The following TBXAS1 variants were observed in gnomAD, a reference collection of about 807,000 sequenced individuals.
The protein encoded by TBXAS1 is thromboxane-A synthase.
A neutral mutation model predicts 60.7 loss-of-function variants in TBXAS1; 48 were observed. The ratio of observed to expected loss-of-function variants is 0.79; its 90% CI spans 0.63 to 1.01. TBXAS1 has a LOEUF of 1.01. Ranked by LOEUF, TBXAS1 falls within the 50% of genes least tolerant of loss-of-function variation. The probability of loss-of-function intolerance (pLI) is 0.00; values close to 1 mark genes in which losing one functional copy is unlikely to be tolerated. For missense variants in TBXAS1, 685 were observed against 686.3 expected (o/e 1.00, Z 0.02); for synonymous variants, 287 against 269.7 (o/e 1.06, Z -0.63).
chr7:139,820,094 C>T (rs1253785369), intron 4 of TBXAS1, among the ~76,000 whole-genome samples: 2 of 152,060 alleles, frequency 1.3e-5, no homozygotes. Context: ...CCTGCTCCCA[C>T]TCTCACTCCC....
At chr7:139,922,099 CTTTT>C (rs557582196) in intron 4 of TBXAS1, among the ~76,000 whole-genome samples, 2 of 139,898 alleles carry the variant, frequency 1.4e-5, no homozygotes, top group Non-Finnish European at 3.1e-5. Flanking sequence ...TTTTCTTTTT[CTTTT>C]TTTTTTTTTT....
At chr7:139,842,408 C>A (rs1283798896) in intron 1 of TBXAS1, among the ~76,000 whole-genome samples, 1 of 152,164 alleles carries the variant, frequency 6.6e-6, no homozygotes, top group Non-Finnish European at 1.5e-5. Flanking sequence ...CTTCCCCTAA[C>A]CCTAGTGCCA....
chr7:140,019,511 T>C (rs1815375123), intron 12 of TBXAS1, among the ~76,000 whole-genome samples: 1 of 152,194 alleles, frequency 6.6e-6, no homozygotes, highest in African/African-American at 2.4e-5. Flanking sequence ...CCTGCAGCTT[T>C]TTCAGATGCC....
chr7:139,872,667 A>G (rs556819585), intron 2 of TBXAS1, among the ~76,000 whole-genome samples: 38 of 152,182 alleles, frequency 2.5e-4, no homozygotes, highest in African/African-American at 8.0e-4. Flanking sequence ...AAAATAAAAT[A>G]AAATGAAATA....
At chr7:139,861,494 C>T (rs1017414982) in intron 1 of TBXAS1, among the ~76,000 whole-genome samples, 1 of 150,920 alleles carries the variant, frequency 6.6e-6, no homozygotes. Context: ...TGATCCTTGA[C>T]CTCCTTTGCC....
At chr7:140,008,593 G>T (rs1311727479) in intron 10 of TBXAS1, among the ~76,000 whole-genome samples, 1 of 151,832 alleles carries the variant, frequency 6.6e-6, no homozygotes, top group Non-Finnish European at 1.5e-5. Context: ...GATTACAGGT[G>T]CCCGCCACTA....
At chr7:139,900,533 A>G (rs1450412169) in intron 3 of TBXAS1, among the ~76,000 whole-genome samples, 2 of 152,242 alleles carry the variant, frequency 1.3e-5, no homozygotes, top group African/African-American at 2.4e-5. Context: ...CAAGGTTGAG[A>G]AGAAAAAGGG....
intron 4 of TBXAS1, among the ~76,000 whole-genome samples, chr7:139,923,972 T>C (rs531956796): frequency 6.6e-6 from 1 of 152,208 alleles, no homozygotes; most frequent in Non-Finnish European, 1.5e-5. Flanking sequence ...AATGGCAGGC[T>C]TTTATTCTTT....
At chr7:139,815,771 G>A (rs1289560144) in intron 4 of TBXAS1, among the ~76,000 whole-genome samples, 2 of 152,184 alleles carry the variant, frequency 1.3e-5, no homozygotes, top group Non-Finnish European at 2.9e-5. Context: ...TTCAGAGGAG[G>A]AGGAGAGGGG....
At chr7:139,859,037 G>A (rs776678536) in intron 1 of TBXAS1, among the ~76,000 whole-genome samples, 6 of 151,610 alleles carry the variant, frequency 4.0e-5, no homozygotes, top group East Asian at 2.0e-4. Context: ...AACCATGCCC[G>A]GTTAATTTTG....
At chr7:139,796,385 C>T (rs1458986976) in intron 4 of TBXAS1, among the ~76,000 whole-genome samples, 2 of 152,174 alleles carry the variant, frequency 1.3e-5, no homozygotes, top group Non-Finnish European at 2.9e-5. Context: ...CAAGCCAATC[C>T]AAAAAGGCTG....
chr7:139,823,342 T>A (rs1227631899), intron 4 of TBXAS1, among the ~76,000 whole-genome samples: 1 of 151,864 alleles, frequency 6.6e-6, no homozygotes, highest in East Asian at 1.9e-4. Flanking sequence ...TACTGCCAGG[T>A]CCCCAGTGAT....
Position 139,968,520 on chromosome 7 carries a change from C to T in TBXAS1, c.1134+6287C>T, listed in dbSNP as rs898048074. On this transcript the variant is annotated intron_variant, in intron 9 of 12. Transcript: ENST00000448866. ...ATGTTGGTCAGTCTGGTCTTGAACT[C>T]CTGGCCTCAAGTGATCCGCCTGCCT... Among the ~76,000 whole-genome samples, 14 of 152,198 alleles carry T rather than the reference C, an allele frequency of 9.2e-5. No homozygotes were observed. The South Asian group carries it at 1.0e-3, about 11-fold the overall frequency.
At chr7:139,993,926 A>C (rs1585025384) in intron 9 of TBXAS1, among the ~76,000 whole-genome samples, 7 of 118,262 alleles carry the variant, frequency 5.9e-5, no homozygotes, top group Admixed American at 1.1e-4. Context: ...ACACAGTCTC[A>C]CTCTGCCACC....
chr7:139,957,626 C>A lies in TBXAS1; in HGVS notation c.689-8C>A, dbSNP rs764602706. ...TTTTCAATGCCACTTTTGTTTTTCT[C>A]TTTCAAGTATCATTTCCATCCATAA... On this transcript the variant is annotated splice_polypyrimidine_tract_variant and splice_region_variant and intron_variant, in intron 7 of 12. Coordinates refer to ENST00000448866, the MANE Select transcript of TBXAS1 (RefSeq NM_001061.7). 3 of 1,613,976 alleles carry A rather than the reference C, an allele frequency of 1.9e-6. No homozygotes were observed. The East Asian group carries it at 6.7e-5, about 36-fold the overall frequency.
chr7:139,917,033 G>T (rs73158669), intron 4 of TBXAS1, among the ~76,000 whole-genome samples: 2 of 152,346 alleles, frequency 1.3e-5, no homozygotes, highest in Non-Finnish European at 2.9e-5. Flanking sequence ...TGTGCATCAA[G>T]ATTTTACTTG....
In TBXAS1 at chr7:139,864,273, A is replaced by G. The variant is rs118186798; in HGVS notation, c.90-7962A>G. 6.7e-4 allele frequency among the ~76,000 whole-genome samples: 102 copies of G among 152,126 alleles called. 1 individual carries two copies. The East Asian group carries it at 0.017, about 26-fold the overall frequency. On this transcript the variant is annotated intron_variant, in intron 1 of 12. Transcript: ENST00000448866. ...AAAAAAAAAAAAGGTGCTCCTATAC[A>G]TGAGCAACACCAAAACAAATGTACG...
In TBXAS1 at chr7:140,013,077, T is replaced by C. The variant is rs1814740812; in HGVS notation, c.1227-2646T>C. 8.5e-6 allele frequency among the ~76,000 whole-genome samples: 1 copy of C among 118,252 alleles called. No homozygotes were observed. The highest frequency in any genetic ancestry group is 9.0e-5 in the Admixed American group (1 of 11,108). The allele number at this position is 118,252 out of a possible 152,430, so 77.6% of individuals were successfully genotyped here. ...TCCAGCCTGGGCAACAGAGCGAGAC[T>C]CCATCTCAAAAAAAAAAAAAAAAAG... On this transcript the variant is annotated intron_variant, in intron 10 of 12. Transcript: ENST00000448866. This position sits in a 1 kb window ranked among gnomAD's most constrained non-coding sequence, Gnocchi z 4.2.
intron 9 of TBXAS1, among the ~76,000 whole-genome samples, chr7:139,981,724 T>C (rs2299899): frequency 0.34 from 51,604 of 152,054 alleles, 9,481 homozygotes; most frequent in East Asian, 0.65. Context: ...TCACTGGGAT[T>C]GTTCTTGAGG....
Sources: allele counts gnomAD v4.1 joint callset (sites outside exome capture counted in the v4.1 genomes callset), GRCh38; gene constraint gnomAD v4.1.1; non-coding constraint Gnocchi (gnomAD v3.1); transcripts MANE v1.5; gene names NCBI Gene and HGNC (gene_info 2026-07-23, HGNC 2026-07-21).